Variants in NUP160 observed in about 807,000 individuals in gnomAD.
The protein encoded by NUP160 is nucleoporin 160.
NUP160 carries 94 observed loss-of-function variants against 196.9 expected under a neutral mutation model. The ratio of observed to expected loss-of-function variants is 0.48; its 90% CI spans 0.40 to 0.57. The LOEUF (loss-of-function observed/expected upper bound fraction) is 0.57, where lower values mean the gene tolerates loss of function less well. Among genes scored for constraint, NUP160 ranks in the 20% least tolerant of loss-of-function variants. The pLI is 0.00. For missense variants in NUP160, 1,638 were observed against 1,748.3 expected (o/e 0.94, Z 1.13); for synonymous variants, 605 against 619.7 (o/e 0.98, Z 0.35).
At chr11:47,782,973 G>A (rs1283340445) in intron 34 of NUP160, 100 bp downstream of exon 34, 1 of 1,045,794 alleles carries the variant, frequency 9.6e-7, no homozygotes, top group African/African-American at 1.6e-5. Flanking sequence ...GTATTTTAAA[G>A]TATGGTTTCT....
At chr11:47,831,958 G>A (rs1234015006) in intron 7 of NUP160, among the ~76,000 whole-genome samples, 3 of 126,478 alleles carry the variant, frequency 2.4e-5, no homozygotes, top group Non-Finnish European at 4.7e-5. Context: ...CTGGAGTGCA[G>A]TGGTGCAATC....
Position 47,831,241 on chromosome 11 carries a change from A to G in NUP160, c.1101+4410T>C, listed in dbSNP as rs564394122. 3.3e-5 allele frequency among the ~76,000 whole-genome samples: 5 copies of G among 152,346 alleles called. No homozygotes were observed. The South Asian group carries it at 8.3e-4, about 25-fold the overall frequency. On this transcript the variant is annotated intron_variant, in intron 7 of 35. Transcript: ENST00000378460. ...CTCCAAGGAAGAGACACAAATAACC[A>G]ATAAGCACTAAAAAGATGCTTGGCA...
intron 27 of NUP160, chr11:47,796,254 G>A (rs2097670866): frequency 3.0e-6 from 2 of 663,450 alleles, no homozygotes. Context: ...ACAGAGCACA[G>A]TAGGATCAAT....
intron 7 of NUP160, among the ~76,000 whole-genome samples, chr11:47,832,140 TC>T (rs1186694542): frequency 6.6e-6 from 1 of 151,946 alleles, no homozygotes; most frequent in Non-Finnish European, 1.5e-5. Context: ...GACCTCATGA[TC>T]CGCCTGCCTC....
chr11:47,843,205 G>C (rs1434548025), intron 2 of NUP160, among the ~76,000 whole-genome samples: 2 of 152,080 alleles, frequency 1.3e-5, no homozygotes, highest in South Asian at 2.1e-4. Flanking sequence ...AATACACCTT[G>C]GAAGGGCTAT....
Position 47,779,720 on chromosome 11 carries a change from T to C in NUP160, c.4222-526A>G, listed in dbSNP as rs1394635103. 8 of 388,430 alleles carry C rather than the reference T, an allele frequency of 2.1e-5. No individual in the cohort carries two copies. The Admixed American group carries it at 2.5e-4, about 12-fold the overall frequency. The allele number at this position is 388,430 out of a possible 1,614,324, so 24.1% of individuals were successfully genotyped here. A position where few individuals can be genotyped will look rare whatever the true frequency, so the allele number is the denominator to read the frequency against. ...TCAGGACAGTGATAATTTATCACAC[T>C]GTATTTCTTTCTTTTTCAGGGTGGG... On this transcript the variant is annotated intron_variant, in intron 35 of 35. Coordinates refer to ENST00000378460, the Ensembl canonical transcript of NUP160.
intron 11 of NUP160, among the ~76,000 whole-genome samples, chr11:47,817,721 A>G (rs966294625): frequency 2.0e-5 from 3 of 152,186 alleles, no homozygotes; most frequent in African/African-American, 7.2e-5. Flanking sequence ...AACCAAAACT[A>G]AACAAAAAAC....
At chr11:47,813,085 C>T (rs1327444357) in intron 14 of NUP160, 38 bp from the exon 15 acceptor site, 4 of 1,393,782 alleles carry the variant, frequency 2.9e-6, no homozygotes, top group South Asian at 1.2e-5. Context: ...TGTCTTAAGC[C>T]AATGACAATC....
intron 7 of NUP160, among the ~76,000 whole-genome samples, chr11:47,823,650 T>A (rs1446914059): frequency 6.6e-6 from 1 of 152,120 alleles, no homozygotes; most frequent in Non-Finnish European, 1.5e-5. Flanking sequence ...TTCTCCTGCC[T>A]CAGCCTACTG....
intron 1 of NUP160, 107 bp from the exon 2 acceptor site, chr11:47,848,066 A>G (rs1852435840): frequency 3.1e-6 from 4 of 1,273,374 alleles, no homozygotes; most frequent in Non-Finnish European, 4.6e-6. Flanking sequence ...ATACAAAGAA[A>G]AGAGGAAAAC....
At chr11:47,805,004 C>A (rs544567389) in intron 20 of NUP160, among the ~76,000 whole-genome samples, 8 of 152,288 alleles carry the variant, frequency 5.3e-5, no homozygotes, top group Admixed American at 5.2e-4. Context: ...GCCTGTATTT[C>A]ATTCCTGGGT....
chr11:47,810,332 G>C (rs2097680367), intron 17 of NUP160, among the ~76,000 whole-genome samples: 1 of 151,906 alleles, frequency 6.6e-6, no homozygotes, highest in African/African-American at 2.4e-5. Context: ...CAAGTAGCAA[G>C]GACTACAGGC....
chr11:47,783,669 T>C (rs1028523740), intron 33 of NUP160, among the ~76,000 whole-genome samples: 12 of 152,202 alleles, frequency 7.9e-5, no homozygotes, highest in African/African-American at 1.2e-4. Flanking sequence ...ATGCTTTCTA[T>C]ATTCCCATTT....
At chr11:47,814,070 C>CTAA (rs2097682770) in intron 13 of NUP160, among the ~76,000 whole-genome samples, 1 of 39,834 alleles carries the variant, frequency 2.5e-5, no homozygotes, top group Non-Finnish European at 4.5e-5. Flanking sequence ...GACTCTGTCT[C>CTAA]AAAAAAAAAA....
At chr11:47,836,444 T>C (rs1313338109) in intron 6 of NUP160, among the ~76,000 whole-genome samples, 1 of 152,058 alleles carries the variant, frequency 6.6e-6, no homozygotes, top group Admixed American at 6.6e-5. Flanking sequence ...GGCAAAACCC[T>C]GTCTACAAAA....
chr11:47,841,846 C>T (rs1852305323), intron 2 of NUP160, among the ~76,000 whole-genome samples: 1 of 152,010 alleles, frequency 6.6e-6, no homozygotes, highest in Admixed American at 6.6e-5. Context: ...CACCACCACA[C>T]CTGGCTAATT....
intron 23 of NUP160, among the ~76,000 whole-genome samples, chr11:47,799,907 G>A (rs1402498405): frequency 6.6e-6 from 1 of 152,132 alleles, no homozygotes; most frequent in Admixed American, 6.6e-5. Context: ...TATCGCTCAC[G>A]TGTTTGTGGT....
chr11:47,788,260 C>A lies in NUP160; in HGVS notation c.3668G>T (p.Gly1223Val), dbSNP rs1029727943. ...GAGTGATATGGCAGTGTCAAAGAGG[C>A]CCGCCTGAACCAAGAGAGTGACCAT... The change falls in exon 31 of 36, where the codon GGC (glycine) becomes GTC (valine). Residue 1223 changes from glycine (G) to valine (V), a missense_variant. Physicochemically the swap from Gly to Val is moderately radical, Grantham distance 109 (BLOSUM62 -3). Transcript: ENST00000378460. The A allele has an allele frequency of 1.1e-5, 17 of 1,613,864 alleles. No individual in the cohort carries two copies. The highest frequency in any genetic ancestry group is 1.4e-5 in the Non-Finnish European group (17 of 1,179,914).
chr11:47,815,327 A>T, intron 13 of NUP160, 152 bp downstream of exon 13: 1 of 449,620 alleles, frequency 2.2e-6, no homozygotes, highest in South Asian at 8.4e-5. Flanking sequence ...TAGGGGAAAA[A>T]ATACAAATGC....
Sources: gnomAD v4.1 joint callset for allele counts (sites outside exome capture counted in the v4.1 genomes callset) on GRCh38, gnomAD v4.1.1 for gene constraint, MANE v1.5 for transcripts, NCBI Gene and HGNC (gene_info 2026-07-23, HGNC 2026-07-21) for gene names.